Variants in RABGEF1 observed in about 807,000 individuals in gnomAD.
The protein encoded by RABGEF1 is RAB guanine nucleotide exchange factor 1, also known as rab5 GDP/GTP exchange factor.
A neutral mutation model predicts 57.3 loss-of-function variants in RABGEF1; 26 were observed. That is an observed-to-expected ratio of 0.45 (90% CI 0.33 to 0.63). RABGEF1 has a LOEUF of 0.63. Among genes scored for constraint, RABGEF1 ranks in the 20% least tolerant of loss-of-function variants. The probability of loss-of-function intolerance (pLI) is 0.02; values close to 1 mark genes in which losing one functional copy is unlikely to be tolerated. For missense variants in RABGEF1, 464 were observed against 607.6 expected (o/e 0.76, Z 2.48); for synonymous variants, 185 against 210.7 (o/e 0.88, Z 1.06).
the RABGEF1 span, among the ~76,000 whole-genome samples, chr7:66,659,329 G>A: frequency 2.3e-4 from 35 of 152,084 alleles, no homozygotes; most frequent in African/African-American, 8.2e-4. Context: ...GTGGGTGCCT[G>A]TAACCCCAGC....
At chr7:66,694,766 G>A (rs1056068385) in intron 1 of RABGEF1, among the ~76,000 whole-genome samples, 1 of 152,176 alleles carries the variant, frequency 6.6e-6, no homozygotes, top group Non-Finnish European at 1.5e-5. Flanking sequence ...GGGGGAGGGC[G>A]GAGCCTCCGA....
chr7:66,729,335 CT>C (rs1797032452), intron 2 of RABGEF1, among the ~76,000 whole-genome samples: 1 of 6,988 alleles, frequency 1.4e-4, no homozygotes, highest in Non-Finnish European at 3.0e-4. Flanking sequence ...CCATCCTCCC[CT>C]CTGTTCTCCC....
intron 3 of RABGEF1, among the ~76,000 whole-genome samples, chr7:66,780,725 A>C (rs913847436): frequency 6.6e-5 from 10 of 152,152 alleles, no homozygotes; most frequent in Admixed American, 6.5e-5. Flanking sequence ...CAGTGTTATT[A>C]GTATATATAT....
At chr7:66,729,276 C>T (rs1430918321) in intron 2 of RABGEF1, among the ~76,000 whole-genome samples, 4 of 151,680 alleles carry the variant, frequency 2.6e-5, no homozygotes, top group Non-Finnish European at 5.9e-5. Context: ...CCACCATCCT[C>T]GCCTTCATCC....
intron 1 of RABGEF1, among the ~76,000 whole-genome samples, chr7:66,757,256 C>A (rs763545595): frequency 6.6e-5 from 10 of 151,884 alleles, no homozygotes; most frequent in Non-Finnish European, 1.2e-4. Context: ...TGACTGATAT[C>A]TTTTTTATAC....
chr7:66,732,687 C>T (rs1343009777), intron 2 of RABGEF1, among the ~76,000 whole-genome samples: 1 of 152,104 alleles, frequency 6.6e-6, no homozygotes, highest in Non-Finnish European at 1.5e-5. Context: ...TGACAAGCTG[C>T]GCTCTTGTGC....
chr7:66,770,771 A>G (rs1806906743), intron 1 of RABGEF1, among the ~76,000 whole-genome samples: 1 of 152,110 alleles, frequency 6.6e-6, no homozygotes, highest in Non-Finnish European at 1.5e-5. Flanking sequence ...GGCATGAGCC[A>G]TTATGCCCAG....
the RABGEF1 span, among the ~76,000 whole-genome samples, chr7:66,659,783 AAAAT>A: frequency 1.3e-5 from 2 of 151,852 alleles, no homozygotes; most frequent in Non-Finnish European, 2.9e-5. Flanking sequence ...CATCTCAAAA[AAAAT>A]AAATAAATAA....
chr7:66,724,351 GTATT>G (rs1294532536), intron 2 of RABGEF1, among the ~76,000 whole-genome samples: 3 of 151,514 alleles, frequency 2.0e-5, no homozygotes, highest in Non-Finnish European at 2.9e-5. Flanking sequence ...CTTTGAATCA[GTATT>G]TATTTATTTT....
intron 1 of RABGEF1, among the ~76,000 whole-genome samples, chr7:66,766,804 A>T (rs1029385839): frequency 6.6e-6 from 1 of 151,874 alleles, no homozygotes; most frequent in East Asian, 1.9e-4. Flanking sequence ...GGCTTACTGC[A>T]GCCTCTGCCT....
chr7:66,792,043 C>T (rs560783299), intron 4 of RABGEF1, among the ~76,000 whole-genome samples: 18 of 150,254 alleles, frequency 1.2e-4, no homozygotes, highest in Middle Eastern at 3.4e-3. Context: ...ACCTGGGAGG[C>T]GTAGGTTGCA....
intron 2 of RABGEF1, among the ~76,000 whole-genome samples, chr7:66,713,126 C>G (rs1284134737): frequency 6.7e-6 from 1 of 148,314 alleles, no homozygotes; most frequent in Non-Finnish European, 1.5e-5. Context: ...TTGGGATTTT[C>G]TTTTTTTCTT....
chr7:66,791,861 C>A (rs1812737384), intron 4 of RABGEF1, among the ~76,000 whole-genome samples: 1 of 152,136 alleles, frequency 6.6e-6, no homozygotes, highest in South Asian at 2.1e-4. Flanking sequence ...CGCCTGTAAT[C>A]CCAGCTCTTT....
chr7:66,768,922 AG>A (rs1351021695), intron 1 of RABGEF1: 2 of 152,134 alleles, frequency 1.3e-5, no homozygotes, highest in African/African-American at 4.8e-5. Context: ...AAAAATTGAT[AG>A]TTCTCCTGCC....
upstream of RABGEF1, among the ~76,000 whole-genome samples, chr7:66,681,822 C>T (rs565393893): frequency 3.3e-4 from 50 of 152,332 alleles, no homozygotes; most frequent in African/African-American, 1.1e-3. Flanking sequence ...CCACCGTGGC[C>T]TCGGCTCCAG....
chr7:66,777,129 T>C (rs1808743931), intron 3 of RABGEF1, among the ~76,000 whole-genome samples: 1 of 152,242 alleles, frequency 6.6e-6, no homozygotes, highest in African/African-American at 2.4e-5. Flanking sequence ...AGAATTATCT[T>C]GCAGGGAGCA....
chr7:66,765,981 A>G (rs1200332538), intron 1 of RABGEF1, among the ~76,000 whole-genome samples: 1 of 152,186 alleles, frequency 6.6e-6, no homozygotes, highest in Non-Finnish European at 1.5e-5. Context: ...ATTGATCTAT[A>G]CTTAAAAATA....
At chr7:66,801,098 A>G (rs1310474388) in intron 7 of RABGEF1, among the ~76,000 whole-genome samples, 1 of 152,220 alleles carries the variant, frequency 6.6e-6, no homozygotes, top group Non-Finnish European at 1.5e-5. Context: ...AACACTCTTT[A>G]GGACTTCTGA....
chr7:66,724,827 G>A (rs747875520), intron 2 of RABGEF1, among the ~76,000 whole-genome samples: 1 of 152,140 alleles, frequency 6.6e-6, no homozygotes. Flanking sequence ...GGTCACCAAG[G>A]CTCTGTTAAA....
Sources: allele counts gnomAD v4.1 joint callset (sites outside exome capture counted in the v4.1 genomes callset), GRCh38; gene constraint gnomAD v4.1.1; transcripts MANE v1.5; gene names NCBI Gene and HGNC (gene_info 2026-07-23, HGNC 2026-07-21).